DACH2: variants seen among roughly 807,000 people sequenced by gnomAD.
DACH2 encodes dachshund homolog 2.
In DACH2, 17 loss-of-function variants were observed where a neutral mutation model predicts 35.8. The ratio of observed to expected loss-of-function variants is 0.48; its 90% confidence interval spans 0.33 to 0.71. The LOEUF is 0.71. Ranked by LOEUF, DACH2 falls within the 30% of genes least tolerant of loss-of-function variation. The pLI, the probability that DACH2 is intolerant of heterozygous loss-of-function variation, is 0.02. For synonymous variants in DACH2, 195 were observed against 177.3 expected, an observed-to-expected ratio of 1.10 and a Z score of -0.79; for missense variants, 469 against 472.7, an observed-to-expected ratio of 0.99 and a Z score of 0.07.
At chrX:86,237,231 C>T (rs1263272366) in intron 1 of DACH2, among the ~76,000 whole-genome samples, 3 of 111,570 alleles carry the variant, frequency 2.7e-5, no homozygotes, top group African/African-American at 9.8e-5. Flanking sequence ...TGTAATACTT[C>T]TTGAAAGATC....
intron 3 of DACH2, among the ~76,000 whole-genome samples, chrX:86,530,987 C>T (rs1392006940): frequency 1.8e-5 from 2 of 111,642 alleles, no homozygotes; most frequent in South Asian, 3.8e-4. Context: ...GCATTGTGCC[C>T]CTGTCCTAGA....
chrX:86,265,224 C>G, intron 1 of DACH2, among the ~76,000 whole-genome samples: 1 of 111,355 alleles, frequency 9.0e-6, no homozygotes, highest in East Asian at 2.8e-4. Flanking sequence ...AGATGAGTGG[C>G]AAAACAAGAT....
At chrX:86,796,300 C>CTGAT (rs1353692923) in intron 7 of DACH2, among the ~76,000 whole-genome samples, 3 of 111,310 alleles carry the variant, frequency 2.7e-5, no homozygotes, top group African/African-American at 9.8e-5. Context: ...TTACAGAGTG[C>CTGAT]TGATTGGTGC....
At chrX:86,777,778 G>A (rs932271725) in intron 7 of DACH2, among the ~76,000 whole-genome samples, 1 of 111,039 alleles carries the variant, frequency 9.0e-6, no homozygotes, top group Admixed American at 9.6e-5. Flanking sequence ...ACTTTCTGCT[G>A]TCATCCCTTG....
intron 2 of DACH2, among the ~76,000 whole-genome samples, chrX:86,403,363 G>A (rs987910388): frequency 1.8e-5 from 2 of 111,773 alleles, no homozygotes; most frequent in Middle Eastern, 4.7e-3. Context: ...ATTAAAAAAT[G>A]GACAAAGGAC....
At chrX:86,694,677 T>C (rs1381136326) in intron 4 of DACH2, among the ~76,000 whole-genome samples, 3 of 112,014 alleles carry the variant, frequency 2.7e-5, no homozygotes, top group Non-Finnish European at 5.6e-5. Context: ...TAAAATATAG[T>C]ATATGTATGT....
intron 3 of DACH2, among the ~76,000 whole-genome samples, chrX:86,522,220 T>C (rs1353985308): frequency 1.8e-5 from 2 of 111,825 alleles, no homozygotes; most frequent in East Asian, 5.6e-4. Flanking sequence ...ATATCTTATT[T>C]AGCAAATTAA....
chrX:86,289,307 A>G (rs1184175884), intron 1 of DACH2, among the ~76,000 whole-genome samples: 1 of 106,597 alleles, frequency 9.4e-6, no homozygotes, highest in Non-Finnish European at 1.9e-5. Flanking sequence ...AAGCAGAAGG[A>G]TGGGGTATCT....
chrX:86,600,992 C>T (rs1020146650), intron 3 of DACH2, among the ~76,000 whole-genome samples: 2 of 111,265 alleles, frequency 1.8e-5, no homozygotes, highest in African/African-American at 6.5e-5. Flanking sequence ...CCTGTTTCTA[C>T]GCTAGAGATT....
chrX:86,586,294 T>A (rs1350042179), intron 3 of DACH2, among the ~76,000 whole-genome samples: 1 of 111,639 alleles, frequency 9.0e-6, no homozygotes, highest in Non-Finnish European at 1.9e-5. Context: ...CTTAAGTTCC[T>A]TAATGATTCT....
In DACH2 at chrX:86,286,115, G is replaced by GTTTTTTT. The variant is rs753864299; in HGVS notation, c.489-90691_489-90685dup. Among the ~76,000 whole-genome samples, 100 of 45,773 alleles carry GTTTTTTT rather than the reference G, an allele frequency of 2.2e-3. 5 individuals are homozygous for GTTTTTTT. The highest frequency in any genetic ancestry group is 3.7e-3 in the African/African-American group (36 of 9,831). 39.7% of individuals were successfully genotyped at this position (45,773 alleles called of 115,157 possible). A position where few individuals can be genotyped will look rare whatever the true frequency, so the allele number is the denominator to read the frequency against. On this transcript the variant is annotated intron_variant, in intron 1 of 11. Coordinates refer to ENST00000373125, the MANE Select transcript of DACH2 (RefSeq NM_053281.3). ...GTTCTTCCATCCATTCAGCCAGTCT[G>GTTTTTTT]TTTTTTTTTTTTTTTTTTTTTTTTG... is the stretch of plus-strand genomic sequence containing the variant.
chrX:86,374,169 C>G (rs1453333249), intron 1 of DACH2, among the ~76,000 whole-genome samples: 1 of 110,654 alleles, frequency 9.0e-6, no homozygotes, highest in Non-Finnish European at 1.9e-5. Flanking sequence ...ATCTCTGATT[C>G]TTATACTAAA....
intron 3 of DACH2, among the ~76,000 whole-genome samples, chrX:86,535,545 A>T (rs1004916650): frequency 9.0e-6 from 1 of 111,063 alleles, no homozygotes; most frequent in Non-Finnish European, 1.9e-5. Context: ...ACATTAAAAC[A>T]GAGATCTTAA....
At chrX:86,244,673 CACTTA>C (rs2033241063) in intron 1 of DACH2, among the ~76,000 whole-genome samples, 1 of 111,658 alleles carries the variant, frequency 9.0e-6, no homozygotes, top group African/African-American at 3.3e-5. Flanking sequence ...ACATGCAACT[CACTTA>C]ACTTCTCTTG....
At chrX:86,756,383 T>A (rs1408533492) in intron 7 of DACH2, among the ~76,000 whole-genome samples, 1 of 111,201 alleles carries the variant, frequency 9.0e-6, no homozygotes, top group South Asian at 3.7e-4. Context: ...TGTCTTTTCA[T>A]TTTTTTGTGT....
At chrX:86,553,286 A>C (rs757316741) in intron 3 of DACH2, among the ~76,000 whole-genome samples, 2 of 111,613 alleles carry the variant, frequency 1.8e-5, no homozygotes, top group East Asian at 5.7e-4. Flanking sequence ...AGCAACCAGC[A>C]TGGGAGAAAG....
intron 3 of DACH2, among the ~76,000 whole-genome samples, chrX:86,556,706 G>C (rs1395265743): frequency 1.0e-5 from 1 of 95,776 alleles, no homozygotes; most frequent in East Asian, 3.5e-4. Context: ...AATTAGGTGA[G>C]AGATGTGTAT....
intron 3 of DACH2, among the ~76,000 whole-genome samples, chrX:86,648,602 G>A (rs149603811): frequency 5.3e-4 from 59 of 110,722 alleles, no homozygotes; most frequent in African/African-American, 1.8e-3. Flanking sequence ...TTCAGGTGCT[G>A]TACTGAAGAC....
chrX:86,699,203 A>G (rs754732600), intron 5 of DACH2, among the ~76,000 whole-genome samples: 18 of 111,868 alleles, frequency 1.6e-4, no homozygotes, highest in Non-Finnish European at 2.4e-4. Flanking sequence ...CTCTAGAACA[A>G]ACGGACCTAA....
Sources: allele counts gnomAD v4.1 joint callset (sites outside exome capture counted in the v4.1 genomes callset), GRCh38; gene constraint gnomAD v4.1.1; transcripts MANE v1.5; gene names NCBI Gene and HGNC (gene_info 2026-07-23, HGNC 2026-07-21).